OLFM2: variants seen among roughly 807,000 people sequenced by gnomAD.
OLFM2 encodes olfactomedin 2.
OLFM2 carries 20 observed loss-of-function variants against 43.9 expected under a neutral mutation model. The ratio of observed to expected loss-of-function variants is 0.46; its 90% CI spans 0.32 to 0.66. The LOEUF is 0.66. Ranked by LOEUF, OLFM2 falls within the 30% of genes least tolerant of loss-of-function variation. The pLI, the probability that OLFM2 is intolerant of heterozygous loss-of-function variation, is 0.04. For synonymous variants in OLFM2, 268 were observed against 278.6 expected, an observed-to-expected ratio of 0.96 and a Z score of 0.38; for missense variants, 416 against 643.6, an observed-to-expected ratio of 0.65 and a Z score of 3.83.
At chr19:9,929,865 C>A (rs780704858) in intron 1 of OLFM2, among the ~76,000 whole-genome samples, 2 of 151,952 alleles carry the variant, frequency 1.3e-5, no homozygotes, top group Non-Finnish European at 2.9e-5. Context: ...CATGGAGAAC[C>A]CTCGTCTCTA....
intron 1 of OLFM2, among the ~76,000 whole-genome samples, chr19:9,871,377 C>G (rs1283534047): frequency 6.6e-6 from 1 of 151,884 alleles, no homozygotes; most frequent in Non-Finnish European, 1.5e-5. Flanking sequence ...TCGAATCCAG[C>G]CCGAGCAACA....
intron 1 of OLFM2, among the ~76,000 whole-genome samples, chr19:9,922,988 G>A (rs1393198104): frequency 1.3e-5 from 2 of 151,978 alleles, no homozygotes; most frequent in African/African-American, 4.8e-5. Context: ...AGGATATGGA[G>A]CAACTGGAAC....
At chr19:9,906,232 ACTGT>A (rs1186622727) in intron 1 of OLFM2, among the ~76,000 whole-genome samples, 6 of 151,966 alleles carry the variant, frequency 3.9e-5, no homozygotes, top group Non-Finnish European at 8.8e-5. Context: ...ACATCGAGAC[ACTGT>A]CTGAGCACCA....
At chr19:9,859,305 TTTTA>T (rs71188843) in intron 2 of OLFM2, among the ~76,000 whole-genome samples, 20,966 of 150,190 alleles carry the variant, frequency 0.14, 1,610 homozygotes, top group African/African-American at 0.19. Context: ...AATTTGTAAG[TTTTA>T]TTTATTTATT....
chr19:9,916,635 G>T (rs980464714), intron 1 of OLFM2, among the ~76,000 whole-genome samples: 5 of 152,104 alleles, frequency 3.3e-5, no homozygotes, highest in African/African-American at 1.2e-4. Context: ...TAGACAATTT[G>T]GGACCCAAAC....
intron 1 of OLFM2, among the ~76,000 whole-genome samples, chr19:9,895,961 G>T (rs899966993): frequency 6.6e-6 from 1 of 152,134 alleles, no homozygotes; most frequent in Non-Finnish European, 1.5e-5. Context: ...CATATTGGTG[G>T]ATTCCTTTTA....
chr19:9,900,596 G>A lies in OLFM2; in HGVS notation c.63+35708C>T, dbSNP rs187420346. Reference sequence around the variant, plus strand: ...CTCTGATGGGGGAAAGGTGTGAAACGTGATGGGGGTGGGGAGAGAAATCCC... The same window carrying A: ...CTCTGATGGGGGAAAGGTGTGAAACATGATGGGGGTGGGGAGAGAAATCCC... On this transcript the variant is annotated intron_variant, in intron 1 of 5. Transcript: ENST00000264833. 4.6e-5 allele frequency among the ~76,000 whole-genome samples: 7 copies of A among 152,048 alleles called. No individual in the cohort carries two copies. In the East Asian group the frequency reaches 1.4e-3, roughly 30 times the overall value.
At chr19:9,932,453 TCAA>T (rs771862206) in intron 1 of OLFM2, among the ~76,000 whole-genome samples, 213 of 88,864 alleles carry the variant, frequency 2.4e-3, no homozygotes, top group African/African-American at 0.012. Flanking sequence ...AGACTCAGTC[TCAA>T]AAAAAAAAAA....
chr19:9,919,695 T>C (rs866300516), intron 1 of OLFM2, among the ~76,000 whole-genome samples: 1 of 150,250 alleles, frequency 6.7e-6, no homozygotes, highest in Non-Finnish European at 1.5e-5. Flanking sequence ...TTGGCCAGGC[T>C]GGTCTCAAAC....
In OLFM2 at chr19:9,857,426, G is replaced by A. The variant is rs148188685; in HGVS notation, c.417C>T (p.Tyr139=). 150 of 1,614,072 alleles carry A rather than the reference G, an allele frequency of 9.3e-5. No individual in the cohort carries two copies. Among genetic ancestry groups the A allele is most frequent in the Non-Finnish European group, 1.9e-5 (22 of 1,180,062 alleles). ...LLPLSSVLEQ[Y]KADTRTIVRL... is the part of the protein sequence containing the mutation. Reference sequence around the variant, plus strand: ...GTACAATGGTCCGCGTGTCTGCCTTGTACTGCTCCAGGACCGAGCTCAGGG... The same window carrying A: ...GTACAATGGTCCGCGTGTCTGCCTTATACTGCTCCAGGACCGAGCTCAGGG... Residue 139 remains tyrosine (Y), a synonymous_variant, in exon 4 of 6, where the codon TAC becomes TAT. Coordinates refer to ENST00000264833, the MANE Select transcript of OLFM2 (RefSeq NM_058164.4). This position sits in a 1 kb window ranked among gnomAD's most constrained non-coding sequence, Gnocchi z 5.7.
intron 1 of OLFM2, among the ~76,000 whole-genome samples, chr19:9,909,554 G>C (rs2046811293): frequency 7.1e-6 from 1 of 141,006 alleles, no homozygotes; most frequent in Admixed American, 7.6e-5. Context: ...AGAGAAGCAG[G>C]ACCCCCAAGG....
chr19:9,883,502 G>A (rs940588392), intron 1 of OLFM2, among the ~76,000 whole-genome samples: 10 of 152,044 alleles, frequency 6.6e-5, no homozygotes, highest in African/African-American at 2.4e-4. Flanking sequence ...TCCTGGCTAA[G>A]CACTGAGCAG....
At position 9,854,666 on chromosome 19, in the gene OLFM2, C is replaced by A; in HGVS notation, c.885G>T (p.Ser295=). The A allele has an allele frequency of 6.2e-7, 1 of 1,614,184 alleles. No homozygotes were observed. ...GGCTCCTCTGCACCAGCACAGAGCG[C>A]GAGCGGAAGTGGTATTTGACCACCA... ...SNVVVKYHFR[S]RSVLVQRSLP... Residue 295 remains serine, a synonymous_variant, in exon 6 of 6, where the codon TCG becomes TCT. Transcript: ENST00000264833. This position sits in a 1 kb window ranked among gnomAD's most constrained non-coding sequence, Gnocchi z 9.5.
At chr19:9,859,066 T>C (rs1376080661) in intron 2 of OLFM2, among the ~76,000 whole-genome samples, 1 of 152,258 alleles carries the variant, frequency 6.6e-6, no homozygotes, top group Admixed American at 6.5e-5. Context: ...TCTGCCTGGC[T>C]AAGGTAAACT....
At chr19:9,924,757 G>A (rs909707671) in intron 1 of OLFM2, among the ~76,000 whole-genome samples, 2 of 152,128 alleles carry the variant, frequency 1.3e-5, no homozygotes, top group African/African-American at 4.8e-5. Flanking sequence ...GTAGTCTAGT[G>A]TTTCTAAGTC....
chr19:9,908,457 CT>C (rs2046800876), intron 1 of OLFM2, among the ~76,000 whole-genome samples: 2 of 143,176 alleles, frequency 1.4e-5, no homozygotes, highest in South Asian at 4.5e-4. Context: ...GCCATCACAC[CT>C]GGCTAATTTT....
intron 1 of OLFM2, among the ~76,000 whole-genome samples, chr19:9,932,482 G>C (rs1026693709): frequency 2.0e-5 from 3 of 151,350 alleles, no homozygotes; most frequent in Admixed American, 2.0e-4. Context: ...GAAAGAAAGA[G>C]AGAGAAAGAA....
chr19:9,935,802 GAC>G (rs2086511330), intron 1 of OLFM2, among the ~76,000 whole-genome samples: 1 of 150,870 alleles, frequency 6.6e-6, no homozygotes, highest in East Asian at 2.0e-4. Flanking sequence ...ACGACACAAA[GAC>G]ACACACGTTT....
chr19:9,918,595 A>G (rs935141718), intron 1 of OLFM2, among the ~76,000 whole-genome samples: 1 of 152,244 alleles, frequency 6.6e-6, no homozygotes, highest in Non-Finnish European at 1.5e-5. Context: ...AGCATTGGTC[A>G]TAATGAATGA....
Sources: allele counts gnomAD v4.1 joint callset (sites outside exome capture counted in the v4.1 genomes callset), GRCh38; gene constraint gnomAD v4.1.1; non-coding constraint Gnocchi (gnomAD v3.1); transcripts MANE v1.5; gene names NCBI Gene and HGNC (gene_info 2026-07-23, HGNC 2026-07-21).